BCLAF3: variants seen among roughly 807,000 people sequenced by gnomAD.
BCLAF3 encodes BCLAF1 and THRAP3 family member 3, also known as transient octamer binding factor 1.
Under a neutral mutation model 51.2 loss-of-function variants are expected in BCLAF3, and 24 were observed. That is an observed-to-expected ratio of 0.47 (90% CI 0.34 to 0.66). BCLAF3 has a LOEUF of 0.66. Among genes scored for constraint, BCLAF3 ranks in the 30% least tolerant of loss-of-function variants. The probability of loss-of-function intolerance (pLI) is 0.01; values close to 1 mark genes in which losing one functional copy is unlikely to be tolerated. For synonymous variants in BCLAF3, 152 were observed against 176.6 expected (o/e 0.86, Z 1.10); for missense variants, 465 against 525.1 (o/e 0.89, Z 1.12).
intron 5 of BCLAF3, chrX:19,954,180 C>A (rs760818227): frequency 2.7e-6 from 2 of 752,322 alleles, no homozygotes; most frequent in African/African-American, 4.6e-5. Flanking sequence ...AAAGCAAGGA[C>A]CTTTCTTCTC....
intron 11 of BCLAF3, among the ~76,000 whole-genome samples, chrX:19,924,713 G>A (rs765442567): frequency 3.6e-5 from 4 of 111,408 alleles, no homozygotes; most frequent in Non-Finnish European, 7.5e-5. Flanking sequence ...TCAGATCTCC[G>A]CTGCCTTGGA....
At chrX:19,937,394 C>T in intron 9 of BCLAF3, 24 bp downstream of exon 9, 1 of 880,685 alleles carries the variant, frequency 1.1e-6, no homozygotes, top group Non-Finnish European at 1.7e-6. Context: ...TATAAAAATG[C>T]AAATTTTGGA....
chrX:19,938,521 G>A (rs1303072996), intron 8 of BCLAF3, among the ~76,000 whole-genome samples: 2 of 111,789 alleles, frequency 1.8e-5, no homozygotes, highest in African/African-American at 6.5e-5. Context: ...TCAGCCTTCC[G>A]AGTAGCTGGG....
At chrX:19,943,384 C>G (rs1244017271) in intron 8 of BCLAF3, among the ~76,000 whole-genome samples, 3 of 57,454 alleles carry the variant, frequency 5.2e-5, no homozygotes, top group Non-Finnish European at 8.8e-5. Context: ...AATTTTGGAT[C>G]TTTCCTGCTT....
chrX:19,985,428 A>T (rs1328158403), intron 1 of BCLAF3, among the ~76,000 whole-genome samples: 2 of 108,578 alleles, frequency 1.8e-5, no homozygotes, highest in Non-Finnish European at 1.9e-5. Flanking sequence ...AAAAATAATT[A>T]AAAAAAAATT....
intron 1 of BCLAF3, among the ~76,000 whole-genome samples, chrX:19,983,922 T>G (rs1315562363): frequency 9.4e-6 from 1 of 106,570 alleles, no homozygotes; most frequent in African/African-American, 3.4e-5. Flanking sequence ...TATAAAAAAA[T>G]GTAGCTGGGC....
chrX:19,978,910 C>A (rs1218727750), intron 1 of BCLAF3, among the ~76,000 whole-genome samples: 3 of 110,670 alleles, frequency 2.7e-5, no homozygotes, highest in African/African-American at 9.9e-5. Flanking sequence ...CCAGAGAAAT[C>A]TTTTGTAAAG....
At chrX:19,956,883 A>C (rs761952951) in intron 4 of BCLAF3, among the ~76,000 whole-genome samples, 3 of 111,918 alleles carry the variant, frequency 2.7e-5, no homozygotes, top group African/African-American at 6.5e-5. Flanking sequence ...AAACAGACAG[A>C]TGTGTCTGGG....
chrX:19,950,324 G>A (rs1368630630), intron 8 of BCLAF3, among the ~76,000 whole-genome samples: 1 of 111,728 alleles, frequency 9.0e-6, no homozygotes, highest in Non-Finnish European at 1.9e-5. Context: ...CAATTATCCA[G>A]TATAGACATC....
chrX:19,947,162 G>A (rs1241090008), intron 8 of BCLAF3, among the ~76,000 whole-genome samples: 1 of 112,163 alleles, frequency 8.9e-6, no homozygotes, highest in Non-Finnish European at 1.9e-5. Flanking sequence ...TATAGATTAT[G>A]ACTACTGCAA....
At chrX:19,955,661 G>A in intron 4 of BCLAF3, 95 bp from the exon 5 acceptor site, 1 of 722,864 alleles carries the variant, frequency 1.4e-6, no homozygotes, top group Non-Finnish European at 2.0e-6. Flanking sequence ...CTAGAAAGAT[G>A]TATATCTTTT....
At chrX:19,968,825 C>T (rs1411349645) in intron 2 of BCLAF3, among the ~76,000 whole-genome samples, 2 of 112,674 alleles carry the variant, frequency 1.8e-5, no homozygotes, top group East Asian at 2.8e-4. Context: ...AAGAAATGAC[C>T]TCTGTGGGCC....
At position 19,977,063 on chromosome X, in the gene BCLAF3, G is replaced by A. The variant is rs748428044; in HGVS notation, c.-34-6765C>T. Among the ~76,000 whole-genome samples, 9 of 111,534 alleles carry A rather than the reference G, an allele frequency of 8.1e-5. No homozygotes were observed. In the South Asian group the frequency reaches 2.6e-3, roughly 32 times the overall value. On this transcript the variant is annotated intron_variant, in intron 1 of 11. Transcript: ENST00000379682. ...CATGAACCATGCCCTTATAAGATGCGAACATAATCAATAAATGTAGTATGT... is the reference window on the plus strand; with the variant it reads ...CATGAACCATGCCCTTATAAGATGCAAACATAATCAATAAATGTAGTATGT...
intron 1 of BCLAF3, among the ~76,000 whole-genome samples, chrX:19,975,327 CT>C (rs1411990568): frequency 3.5e-4 from 36 of 102,868 alleles, no homozygotes; most frequent in Middle Eastern, 4.9e-3. Flanking sequence ...GTTCTTTTTT[CT>C]TTTTTTTTTC....
chrX:19,980,917 C>T lies in BCLAF3; in HGVS notation c.-35+9991G>A, dbSNP rs201878098. 2.3e-4 allele frequency among the ~76,000 whole-genome samples: 23 copies of T among 101,008 alleles called. 1 individual carries two copies. The East Asian group carries it at 5.5e-3, about 24-fold the overall frequency. 87.7% of individuals were successfully genotyped at this position (101,008 alleles called of 115,157 possible). A position where few individuals can be genotyped will look rare whatever the true frequency, so the allele number is the denominator to read the frequency against. On this transcript the variant is annotated intron_variant, in intron 1 of 11. Coordinates refer to ENST00000379682, the MANE Select transcript of BCLAF3 (RefSeq NM_001367774.2). The stretch of plus-strand genomic sequence containing the variant: ...TTGCACCACTGCACTCCAGCCTGGG[C>T]GACAGAGTAAGACTCCGTCTCAAAA...
chrX:19,990,640 T>G (rs1348902139), intron 1 of BCLAF3, among the ~76,000 whole-genome samples: 6 of 112,907 alleles, frequency 5.3e-5, no homozygotes, highest in Non-Finnish European at 1.9e-5. Context: ...CGGCAGCAGG[T>G]GCCCGGGTCG....
At position 19,914,954 on chromosome X, in the gene BCLAF3, T is replaced by C. The variant is rs1446988055; in HGVS notation, c.*2351A>G. 8.9e-6 allele frequency: 1 copy of C among 111,781 alleles called. No homozygotes were observed. The highest frequency in any genetic ancestry group is 3.3e-5 in the African/African-American group (1 of 30,761). The allele number at this position is 111,781 out of a possible 1,213,427, so 9.2% of individuals were successfully genotyped here. Reference sequence around the variant, plus strand: ...AAGTACTTACTCTACATTGTGATTCTTTGTTTTTGTGAATCTCTTCTTCAG... The same window carrying C: ...AAGTACTTACTCTACATTGTGATTCCTTGTTTTTGTGAATCTCTTCTTCAG... On this transcript the variant is annotated 3_prime_UTR_variant, in exon 12 of 12. Transcript: ENST00000379682.
chrX:19,955,347 A>G lies in BCLAF3; in HGVS notation c.1450+44T>C. On this transcript the variant is annotated intron_variant, in intron 5 of 11. Transcript: ENST00000379682. The stretch of plus-strand genomic sequence containing the variant: ...TTTACCTGTATCTCGTGAATAGTAT[A>G]TTACTTTTGTGTTATCCCTAACGTA... The G allele has an allele frequency of 3.9e-6, 4 of 1,029,497 alleles. No homozygotes were observed. The South Asian group carries it at 9.3e-5, about 24-fold the overall frequency. The allele number at this position is 1,029,497 out of a possible 1,213,427, so 84.8% of individuals were successfully genotyped here. A position where few individuals can be genotyped will look rare whatever the true frequency, so the allele number is the denominator to read the frequency against.
intron 11 of BCLAF3, among the ~76,000 whole-genome samples, chrX:19,917,567 C>T (rs1478097566): frequency 8.9e-6 from 1 of 111,854 alleles, no homozygotes; most frequent in East Asian, 2.8e-4. Flanking sequence ...TGCTAGATAA[C>T]ATTGATATTA....
Sources: gnomAD v4.1 joint callset for allele counts (sites outside exome capture counted in the v4.1 genomes callset) on GRCh38, gnomAD v4.1.1 for gene constraint, MANE v1.5 for transcripts, NCBI Gene and HGNC (gene_info 2026-07-23, HGNC 2026-07-21) for gene names.